The following ZNF569 variants were observed in gnomAD, a reference collection of about 807,000 sequenced individuals.
The protein encoded by ZNF569 is DNA-binding protein.
ZNF569 carries 38 observed loss-of-function variants against 56.3 expected under a neutral mutation model. The ratio of observed to expected loss-of-function variants is 0.68; its 90% CI spans 0.52 to 0.88. ZNF569 has a LOEUF of 0.88. Among genes scored for constraint, ZNF569 ranks in the 40% least tolerant of loss-of-function variants. The pLI, the probability that ZNF569 is intolerant of heterozygous loss-of-function variation, is 0.00. For missense variants in ZNF569, 666 were observed against 809.2 expected, an observed-to-expected ratio of 0.82 and a Z score of 2.15; for synonymous variants, 241 against 262.9, an observed-to-expected ratio of 0.92 and a Z score of 0.81.
intron 3 of ZNF569, among the ~76,000 whole-genome samples, chr19:37,430,163 C>A (rs879676999): frequency 2.7e-5 from 4 of 150,030 alleles, no homozygotes; most frequent in Non-Finnish European, 5.9e-5. Context: ...CCACTGCACT[C>A]CAGCCTGGGT....
At chr19:37,418,171 C>T (rs2040968923) in intron 5 of ZNF569, among the ~76,000 whole-genome samples, 1 of 151,046 alleles carries the variant, frequency 6.6e-6, no homozygotes, top group Non-Finnish European at 1.5e-5. Context: ...GTGTTTATAT[C>T]CAGTCTAAAC....
chr19:37,443,259 T>G (rs997553700), intron 3 of ZNF569, among the ~76,000 whole-genome samples: 1 of 152,012 alleles, frequency 6.6e-6, no homozygotes, highest in East Asian at 1.9e-4. Context: ...GGCAGGAGAA[T>G]TGCTTGAACC....
rs115597856 is a variant in ZNF569, at chr19:37,464,470, G to A, written c.-44+843C>T. Among the ~76,000 whole-genome samples, 954 of 152,164 alleles carry A rather than the reference G, an allele frequency of 6.3e-3. 10 individuals carry two copies. Among genetic ancestry groups the A allele is most frequent in the African/African-American group, 0.021 (887 of 41,526 alleles). On this transcript the variant is annotated intron_variant, in intron 2 of 5. Transcript: ENST00000316950. ...TCCCAAACTGCTGGGATTCCACCGC[G>A]CCTGGCCCATTTTTAATCTTTATAT... is the stretch of plus-strand genomic sequence containing the variant.
chr19:37,415,466 G>A (rs1010477639), intron 5 of ZNF569, among the ~76,000 whole-genome samples: 1 of 151,978 alleles, frequency 6.6e-6, no homozygotes, highest in Admixed American at 6.6e-5. Flanking sequence ...TTACTTAATG[G>A]AAAACATCCA....
intron 2 of ZNF569, among the ~76,000 whole-genome samples, chr19:37,463,894 T>C (rs1376279338): frequency 6.6e-6 from 1 of 152,166 alleles, no homozygotes; most frequent in Non-Finnish European, 1.5e-5. Flanking sequence ...AAAAAGCTTA[T>C]AAAGATATAA....
Position 37,432,765 on chromosome 19 carries a change from A to G in ZNF569, c.16-6387T>C, listed in dbSNP as rs761521899. Among the ~76,000 whole-genome samples the G allele has an allele frequency of 8.5e-5, 13 of 152,358 alleles. 1 individual carries two copies. In the South Asian group the frequency reaches 1.9e-3, roughly 22 times the overall value. ...AGAATAGCTGTTTTCAGGAAACTCA[A>G]TGAAATTCAAGATAACACAGAGAAA... On this transcript the variant is annotated intron_variant, in intron 3 of 5. Transcript: ENST00000316950.
At chr19:37,438,982 G>A (rs755795818) in intron 3 of ZNF569, among the ~76,000 whole-genome samples, 2 of 152,156 alleles carry the variant, frequency 1.3e-5, no homozygotes, top group African/African-American at 2.4e-5. Context: ...ATGGCAAAGA[G>A]GTATATGAAA....
At chr19:37,424,477 G>A (rs988456911) in intron 5 of ZNF569, among the ~76,000 whole-genome samples, 1 of 152,048 alleles carries the variant, frequency 6.6e-6, no homozygotes, top group Non-Finnish European at 1.5e-5. Context: ...GACATCTTAG[G>A]TTTATAAAAG....
At chr19:37,464,251 G>A (rs868065473) in intron 2 of ZNF569, among the ~76,000 whole-genome samples, 22 of 151,980 alleles carry the variant, frequency 1.4e-4, no homozygotes, top group African/African-American at 4.6e-4. Context: ...GTACAGTGGC[G>A]CAATCTCAGC....
intron 2 of ZNF569, among the ~76,000 whole-genome samples, chr19:37,451,754 G>A (rs183181998): frequency 9.2e-5 from 14 of 152,118 alleles, no homozygotes; most frequent in Non-Finnish European, 1.5e-4. Flanking sequence ...TAGCTACCCC[G>A]CTGTCTTTTG....
rs191395677 is a variant in ZNF569, at chr19:37,452,681, C to T, written c.-43-7717G>A. ...GCAAAGTTTCTGCTGAAAAAAATCC[C>T]TTAATAGTCCTATAGATGTTCCCTT... is the stretch of plus-strand genomic sequence containing the variant. On this transcript the variant is annotated intron_variant, in intron 2 of 5. Coordinates refer to ENST00000316950, the MANE Select transcript of ZNF569 (RefSeq NM_152484.3). Among the ~76,000 whole-genome samples, 15 of 152,248 alleles carry T rather than the reference C, an allele frequency of 9.9e-5. No individual in the cohort carries two copies. The East Asian group carries it at 2.7e-3, about 27-fold the overall frequency.
intron 3 of ZNF569, chr19:37,427,787 C>T: frequency 1.9e-6 from 1 of 516,650 alleles, no homozygotes; most frequent in Non-Finnish European, 3.9e-6. Flanking sequence ...TTTAATATTT[C>T]CCCTCATCTG....
At chr19:37,448,556 CTTTTT>C (rs545559315) in intron 2 of ZNF569, among the ~76,000 whole-genome samples, 1 of 72,544 alleles carries the variant, frequency 1.4e-5, no homozygotes. Flanking sequence ...ATGCTGTAAT[CTTTTT>C]TTTTTTTTTT....
Position 37,439,401 on chromosome 19 carries a change from C to A in ZNF569, c.15+5506G>T, listed in dbSNP as rs2041367262. Among the ~76,000 whole-genome samples, 3 of 152,196 alleles carry A rather than the reference C, an allele frequency of 2.0e-5. No homozygotes were observed. The South Asian group carries it at 6.2e-4, about 32-fold the overall frequency. On this transcript the variant is annotated intron_variant, in intron 3 of 5. Transcript: ENST00000316950. ...ATGGCTTTCATCCAAAAGACAGGTA[C>A]TAACAAATACTGGCCAGGATGTGGA...
At chr19:37,421,407 T>C (rs1427919347) in intron 5 of ZNF569, among the ~76,000 whole-genome samples, 1 of 152,230 alleles carries the variant, frequency 6.6e-6, no homozygotes, top group Non-Finnish European at 1.5e-5. Flanking sequence ...GCCACCCTCA[T>C]CAATAATCTT....
chr19:37,427,019 A>G (rs950308391), intron 3 of ZNF569, among the ~76,000 whole-genome samples: 1 of 152,232 alleles, frequency 6.6e-6, no homozygotes, highest in African/African-American at 2.4e-5. Flanking sequence ...CTGTGTATTT[A>G]AAAAGCTGTA....
chr19:37,424,813 C>CT (rs2041097521), intron 5 of ZNF569, among the ~76,000 whole-genome samples: 1 of 63,054 alleles, frequency 1.6e-5, no homozygotes, highest in Non-Finnish European at 2.7e-5. Context: ...GAGACTCTGT[C>CT]TCAAAAAAAA....
chr19:37,445,132 G>C (rs762708750), intron 2 of ZNF569, among the ~76,000 whole-genome samples, 168 bp from the exon 3 acceptor site: 6 of 152,144 alleles, frequency 3.9e-5, no homozygotes, highest in Non-Finnish European at 7.4e-5. Context: ...AGGATGATTG[G>C]AATAATCATG....
chr19:37,443,893 C>T (rs897951082), intron 3 of ZNF569, among the ~76,000 whole-genome samples: 3 of 151,574 alleles, frequency 2.0e-5, no homozygotes, highest in African/African-American at 4.9e-5. Context: ...TGGTGGGTGC[C>T]TATAATCCCA....
Sources: allele counts gnomAD v4.1 joint callset (sites outside exome capture counted in the v4.1 genomes callset), GRCh38; gene constraint gnomAD v4.1.1; transcripts MANE v1.5; gene names NCBI Gene and HGNC (gene_info 2026-07-23, HGNC 2026-07-21).